Variants in CCSER1 observed in about 807,000 individuals in gnomAD.
The protein encoded by CCSER1 is serine-rich coiled-coil domain-containing protein 1.
In CCSER1, 41 loss-of-function variants were observed where a neutral mutation model predicts 82.0. The observed-to-expected ratio is 0.50, with a 90% CI of 0.39 to 0.65. The LOEUF is 0.65. Among genes scored for constraint, CCSER1 ranks in the 30% least tolerant of loss-of-function variants. CCSER1 has a pLI of 0.00. For synonymous variants in CCSER1, 414 were observed against 383.9 expected (o/e 1.08, Z -0.92); for missense variants, 1,119 against 1,064.2 (o/e 1.05, Z -0.72).
At chr4:90,870,962 C>T (rs1420177630) in intron 8 of CCSER1, among the ~76,000 whole-genome samples, 3 of 149,678 alleles carry the variant, frequency 2.0e-5, no homozygotes, top group Non-Finnish European at 4.5e-5. Flanking sequence ...TCTATTTTTT[C>T]CTTTTTTAAT....
intron 7 of CCSER1, among the ~76,000 whole-genome samples, chr4:90,746,631 C>G (rs554891004): frequency 6.6e-6 from 1 of 152,122 alleles, no homozygotes; most frequent in African/African-American, 2.4e-5. Flanking sequence ...TTCTAAAAAC[C>G]TGGCTGCTGC....
At chr4:91,003,226 T>A (rs1738198358) in intron 9 of CCSER1, among the ~76,000 whole-genome samples, 1 of 152,082 alleles carries the variant, frequency 6.6e-6, no homozygotes, top group Non-Finnish European at 1.5e-5. Context: ...CGAGTGGGCC[T>A]CCTGCCAGGA....
At chr4:91,291,769 A>T (rs151044598) in intron 10 of CCSER1, among the ~76,000 whole-genome samples, 70 of 152,080 alleles carry the variant, frequency 4.6e-4, no homozygotes, top group African/African-American at 1.6e-3. Flanking sequence ...TTTGGCGGGG[A>T]CACAGATTCA....
intron 9 of CCSER1, among the ~76,000 whole-genome samples, chr4:90,933,142 T>A (rs1210291101): frequency 1.4e-4 from 15 of 105,732 alleles, no homozygotes; most frequent in African/African-American, 6.5e-4. Context: ...AGTGTGTGTG[T>A]GTGTGTGTGT....
At chr4:90,660,158 G>T (rs1196508962) in intron 6 of CCSER1, among the ~76,000 whole-genome samples, 1 of 151,960 alleles carries the variant, frequency 6.6e-6, no homozygotes, top group African/African-American at 2.4e-5. Flanking sequence ...ACTACCATTT[G>T]ATCTAACCAT....
At chr4:91,463,011 G>T (rs1756601913) in intron 10 of CCSER1, among the ~76,000 whole-genome samples, 1 of 152,132 alleles carries the variant, frequency 6.6e-6, no homozygotes, top group Non-Finnish European at 1.5e-5. Flanking sequence ...AGAGAGTAGT[G>T]GTTCTCCCAG....
chr4:91,523,660 G>A (rs879816686), intron 10 of CCSER1, among the ~76,000 whole-genome samples: 21 of 152,058 alleles, frequency 1.4e-4, no homozygotes, highest in Middle Eastern at 3.2e-3. Context: ...GTTTATTTGC[G>A]TAGAGGTGTT....
Position 91,515,863 on chromosome 4 carries a change from C to CT in CCSER1, c.2218-82691dup, listed in dbSNP as rs60522453. 2.2e-3 allele frequency among the ~76,000 whole-genome samples: 298 copies of CT among 135,034 alleles called. 3 individuals carry two copies. The highest frequency in any genetic ancestry group is 0.013 in the South Asian group (56 of 4,340). The allele number at this position is 135,034 out of a possible 152,430, so 88.6% of individuals were successfully genotyped here. ...TTTCTCTGCAATCTTGCCAGCATCTCTTTTTTTTTTTTTTTTTTGACTTCT... is the reference window on the plus strand; with the variant it reads ...TTTCTCTGCAATCTTGCCAGCATCTCTTTTTTTTTTTTTTTTTTTGACTTCT... On this transcript the variant is annotated intron_variant, in intron 10 of 10. Coordinates refer to ENST00000509176, the MANE Select transcript of CCSER1 (RefSeq NM_001145065.2).
chr4:90,831,848 A>T (rs1269320561), intron 8 of CCSER1, among the ~76,000 whole-genome samples: 1 of 152,150 alleles, frequency 6.6e-6, no homozygotes, highest in African/African-American at 2.4e-5. Context: ...TATGTTACCT[A>T]ATATTCCACT....
chr4:90,689,004 T>A (rs1735317889), intron 6 of CCSER1, among the ~76,000 whole-genome samples: 1 of 152,130 alleles, frequency 6.6e-6, no homozygotes, highest in Non-Finnish European at 1.5e-5. Flanking sequence ...AGTGTTTGAG[T>A]TAAAACAGTC....
intron 10 of CCSER1, among the ~76,000 whole-genome samples, chr4:91,506,578 T>G (rs1759502243): frequency 6.6e-6 from 1 of 152,148 alleles, no homozygotes. Context: ...GCATGGAATC[T>G]TTTCCCATTT....
intron 5 of CCSER1, among the ~76,000 whole-genome samples, chr4:90,576,871 T>C (rs542144744): frequency 7.9e-5 from 12 of 152,244 alleles, no homozygotes; most frequent in Admixed American, 5.9e-4. Flanking sequence ...TTTTCAACTT[T>C]GGGGTGGTAA....
chr4:90,239,621 C>G (rs189711948), intron 1 of CCSER1, among the ~76,000 whole-genome samples: 11 of 152,264 alleles, frequency 7.2e-5, no homozygotes, highest in African/African-American at 2.6e-4. Flanking sequence ...CCTGCCTTAG[C>G]CACCACTATG....
chr4:91,477,892 G>C (rs1387138970), intron 10 of CCSER1, among the ~76,000 whole-genome samples: 1 of 151,708 alleles, frequency 6.6e-6, no homozygotes, highest in African/African-American at 2.4e-5. Context: ...GAGGGCATAT[G>C]GTTCCTACTG....
intron 4 of CCSER1, among the ~76,000 whole-genome samples, chr4:90,451,149 G>C (rs1286561863): frequency 2.0e-5 from 3 of 152,112 alleles, no homozygotes; most frequent in African/African-American, 7.2e-5. Flanking sequence ...ATACCCGCTG[G>C]GTGACAGCTG....
rs571668062 is a variant in CCSER1, at chr4:90,921,177, A to C, written c.2095-2193A>C. ...TCCATCTACCATTTAGAAATACAAG[A>C]GCTCCATCAAGAATCATCTCCTGAA... On this transcript the variant is annotated intron_variant, in intron 8 of 10. Transcript: ENST00000509176. 4.3e-4 allele frequency among the ~76,000 whole-genome samples: 66 copies of C among 152,004 alleles called. 1 individual carries two copies. In the South Asian group the frequency reaches 8.3e-3, roughly 19 times the overall value.
chr4:91,169,880 G>A (rs911489746), intron 10 of CCSER1, among the ~76,000 whole-genome samples: 1 of 152,046 alleles, frequency 6.6e-6, no homozygotes, highest in African/African-American at 2.4e-5. Context: ...CAATTGTATT[G>A]ATAAAGTCAA....
chr4:91,061,680 T>C (rs368751866), intron 9 of CCSER1, among the ~76,000 whole-genome samples: 2 of 152,232 alleles, frequency 1.3e-5, no homozygotes. Flanking sequence ...GTGTCACTGA[T>C]TGATAGGTTC....
At chr4:90,965,482 C>T (rs1171544144) in intron 9 of CCSER1, among the ~76,000 whole-genome samples, 1 of 152,088 alleles carries the variant, frequency 6.6e-6, no homozygotes, top group Non-Finnish European at 1.5e-5. Context: ...AAGACATGCC[C>T]CCAATACATA....
Sources: gnomAD v4.1 joint callset for allele counts (sites outside exome capture counted in the v4.1 genomes callset) on GRCh38, gnomAD v4.1.1 for gene constraint, MANE v1.5 for transcripts, NCBI Gene and HGNC (gene_info 2026-07-23, HGNC 2026-07-21) for gene names.